PPARGC1A: variants seen among roughly 807,000 people sequenced by gnomAD.
PPARGC1A encodes PPARG coactivator 1 alpha.
In PPARGC1A, 25 loss-of-function variants were observed where a neutral mutation model predicts 88.7. That is an observed-to-expected ratio of 0.28 (90% CI 0.21 to 0.39). The LOEUF (loss-of-function observed/expected upper bound fraction) is 0.39. PPARGC1A is among the 10% of genes least tolerant of loss of function. PPARGC1A has a pLI of 1.00. For synonymous variants in PPARGC1A, 363 were observed against 355.6 expected (o/e 1.02, Z -0.24); for missense variants, 880 against 968.7 (o/e 0.91, Z 1.22).
chr4:24,300,661 C>T, the PPARGC1A span, among the ~76,000 whole-genome samples: 98 of 152,144 alleles, frequency 6.4e-4, no homozygotes, highest in African/African-American at 2.3e-3. Flanking sequence ...CATATTCACT[C>T]CCCTTATCCT....
the PPARGC1A span, among the ~76,000 whole-genome samples, chr4:24,243,616 G>T: frequency 6.6e-6 from 1 of 152,170 alleles, no homozygotes; most frequent in Admixed American, 6.5e-5. Context: ...TTTTGCCAAG[G>T]TTTTCTTAAT....
At chr4:24,063,605 C>T in the PPARGC1A span, among the ~76,000 whole-genome samples, 7 of 152,118 alleles carry the variant, frequency 4.6e-5, no homozygotes, top group African/African-American at 7.2e-5. Context: ...TTTGAGATCC[C>T]GGGGTGAAGG....
At chr4:24,106,050 C>T in the PPARGC1A span, among the ~76,000 whole-genome samples, 1 of 152,266 alleles carries the variant, frequency 6.6e-6, no homozygotes, top group Middle Eastern at 3.4e-3. Flanking sequence ...TTGATCAGTC[C>T]CTTCTTTCTG....
At chr4:23,830,672 C>T (rs1045452127) in intron 3 of PPARGC1A, among the ~76,000 whole-genome samples, 5 of 152,084 alleles carry the variant, frequency 3.3e-5, no homozygotes, top group Admixed American at 1.3e-4. Flanking sequence ...ATGCCAAACA[C>T]GATATTAGAG....
rs1717583345 is a variant in PPARGC1A, at chr4:23,889,988, T to C, written c.-31A>G. Reference sequence around the variant, plus strand: ...TCCTGAATGACGCCAGTCAAGCTTTTTCAACTCCAATCCACAGTGACACAG... The same window carrying C: ...TCCTGAATGACGCCAGTCAAGCTTTCTCAACTCCAATCCACAGTGACACAG... On this transcript the variant is annotated 5_prime_UTR_variant, in exon 1 of 13. Transcript: ENST00000264867. The C allele has an allele frequency of 6.2e-7, 1 of 1,613,314 alleles. No individual in the cohort carries two copies. The highest frequency in any genetic ancestry group is 2.2e-5 in the East Asian group (1 of 44,872).
At chr4:23,879,361 A>T (rs900492829) in intron 2 of PPARGC1A, among the ~76,000 whole-genome samples, 1 of 152,174 alleles carries the variant, frequency 6.6e-6, no homozygotes, top group African/African-American at 2.4e-5. Context: ...AAATTTGTGG[A>T]TTGGGTTAAA....
the PPARGC1A span, among the ~76,000 whole-genome samples, chr4:23,912,062 T>C: frequency 5.3e-5 from 8 of 152,144 alleles, no homozygotes; most frequent in South Asian, 2.1e-4. Context: ...AGATATCCAA[T>C]ATGAGAAATG....
chr4:24,335,174 A>G, the PPARGC1A span, among the ~76,000 whole-genome samples: 1 of 152,224 alleles, frequency 6.6e-6, no homozygotes, highest in East Asian at 1.9e-4. Flanking sequence ...GTAAGCAGTC[A>G]ATACATGGAA....
chr4:24,322,426 G>A, the PPARGC1A span, among the ~76,000 whole-genome samples: 2 of 152,208 alleles, frequency 1.3e-5, no homozygotes, highest in African/African-American at 2.4e-5. Context: ...GGTTCATCTG[G>A]TAACACCTCA....
At chr4:24,102,595 T>C in the PPARGC1A span, among the ~76,000 whole-genome samples, 5 of 152,356 alleles carry the variant, frequency 3.3e-5, no homozygotes, top group African/African-American at 1.2e-4. Context: ...AAACTACATC[T>C]TCTTTTAGAA....
chr4:24,284,445 T>C, the PPARGC1A span, among the ~76,000 whole-genome samples: 1 of 152,224 alleles, frequency 6.6e-6, no homozygotes, highest in South Asian at 2.1e-4. Context: ...ATTCACTTCT[T>C]CCTAGGGTCA....
chr4:24,075,163 A>T, the PPARGC1A span, among the ~76,000 whole-genome samples: 2 of 152,312 alleles, frequency 1.3e-5, no homozygotes, highest in Middle Eastern at 6.8e-3. Context: ...AGGGCTTGTC[A>T]TCATGTGTTT....
chr4:24,389,902 A>C, the PPARGC1A span, among the ~76,000 whole-genome samples: 1 of 152,268 alleles, frequency 6.6e-6, no homozygotes, highest in Non-Finnish European at 1.5e-5. Context: ...TTAGAGAAAA[A>C]GGTCTAAATA....
chr4:24,187,098 T>G, the PPARGC1A span, among the ~76,000 whole-genome samples: 1 of 152,204 alleles, frequency 6.6e-6, no homozygotes, highest in African/African-American at 2.4e-5. Context: ...CTAGTCCCCT[T>G]TGCCTATGCA....
chr4:23,909,969 A>G, the PPARGC1A span, among the ~76,000 whole-genome samples: 2 of 150,678 alleles, frequency 1.3e-5, no homozygotes, highest in East Asian at 4.1e-4. Flanking sequence ...AGGTGGCAGA[A>G]TGCAGCTGCT....
chr4:24,048,599 T>A, the PPARGC1A span, among the ~76,000 whole-genome samples: 1 of 152,316 alleles, frequency 6.6e-6, no homozygotes, highest in East Asian at 1.9e-4. Flanking sequence ...TCAGACAGGA[T>A]TCAAGCCAGT....
At chr4:23,839,729 G>A (rs1022902654) in intron 2 of PPARGC1A, among the ~76,000 whole-genome samples, 32 of 152,232 alleles carry the variant, frequency 2.1e-4, no homozygotes, top group Middle Eastern at 3.4e-3. Context: ...TTCCACGTGG[G>A]TGGGAGGCCT....
chr4:24,112,458 A>G, the PPARGC1A span, among the ~76,000 whole-genome samples: 2 of 152,306 alleles, frequency 1.3e-5, no homozygotes, highest in East Asian at 3.9e-4. Context: ...ACAAGCCTCA[A>G]GTTTGCTCCT....
chr4:24,108,580 C>T, the PPARGC1A span, among the ~76,000 whole-genome samples: 1 of 152,128 alleles, frequency 6.6e-6, no homozygotes, highest in Admixed American at 6.6e-5. Context: ...ATGGACCACG[C>T]ATTGAATTCA....
Sources: allele counts gnomAD v4.1 joint callset (sites outside exome capture counted in the v4.1 genomes callset), GRCh38; gene constraint gnomAD v4.1.1; transcripts MANE v1.5; gene names NCBI Gene and HGNC (gene_info 2026-07-23, HGNC 2026-07-21).